The following SPATA13 variants were observed in gnomAD, a reference collection of about 807,000 sequenced individuals.
The protein encoded by SPATA13 is spermatogenesis-associated protein 13.
Under a neutral mutation model 104.0 loss-of-function variants are expected in SPATA13, and 50 were observed. The observed-to-expected ratio is 0.48, with a 90% CI of 0.38 to 0.61. The LOEUF is 0.61. Among genes scored for constraint, SPATA13 ranks in the 20% least tolerant of loss-of-function variants. The pLI is 0.00. For synonymous variants in SPATA13, 606 were observed against 667.5 expected (o/e 0.91, Z 1.42); for missense variants, 1,524 against 1,690.6 (o/e 0.90, Z 1.73).
chr13:24,227,848 G>T (rs1872032349), intron 2 of SPATA13, among the ~76,000 whole-genome samples: 1 of 152,098 alleles, frequency 6.6e-6, no homozygotes, highest in African/African-American at 2.4e-5. Flanking sequence ...AGGATTATAG[G>T]TGTGAGCCAC....
chr13:24,264,020 G>C (rs1241663007), intron 4 of SPATA13, among the ~76,000 whole-genome samples: 1 of 152,202 alleles, frequency 6.6e-6, no homozygotes, highest in African/African-American at 2.4e-5. Context: ...CTTGGAGATT[G>C]TATTAGCTCC....
At chr13:24,026,512 G>C (rs945183186) in intron 3 of SPATA13, among the ~76,000 whole-genome samples, 1 of 152,184 alleles carries the variant, frequency 6.6e-6, no homozygotes, top group Non-Finnish European at 1.5e-5. Context: ...TTTATGTTTG[G>C]TAGATACTGT....
At chr13:24,054,185 GA>G (rs1419823225) in intron 3 of SPATA13, among the ~76,000 whole-genome samples, 1 of 152,182 alleles carries the variant, frequency 6.6e-6, no homozygotes, top group Non-Finnish European at 1.5e-5. Flanking sequence ...TCCAAGGCCA[GA>G]AGCCCGGAGT....
At chr13:24,175,080 A>G (rs964228648) in intron 1 of SPATA13, among the ~76,000 whole-genome samples, 2 of 152,142 alleles carry the variant, frequency 1.3e-5, no homozygotes, top group African/African-American at 2.4e-5. Flanking sequence ...GTATTGGTCC[A>G]TCTTGATATA....
chr13:24,257,081 C>T (rs1873826244), intron 4 of SPATA13, among the ~76,000 whole-genome samples: 1 of 152,216 alleles, frequency 6.6e-6, no homozygotes, highest in Non-Finnish European at 1.5e-5. Flanking sequence ...TCCAACCATA[C>T]TTCTTCCTTT....
At chr13:24,197,806 C>T (rs1870151968) in intron 1 of SPATA13, among the ~76,000 whole-genome samples, 1 of 152,006 alleles carries the variant, frequency 6.6e-6, no homozygotes, top group Non-Finnish European at 1.5e-5. Flanking sequence ...TTAATACCAC[C>T]AGAAATTACT....
chr13:24,219,305 A>G (rs1324579411), intron 1 of SPATA13, among the ~76,000 whole-genome samples: 1 of 152,226 alleles, frequency 6.6e-6, no homozygotes, highest in African/African-American at 2.4e-5. Context: ...GCAGCACACA[A>G]CAATCACGTT....
chr13:24,159,816 T>C (rs980203296), upstream of SPATA13, among the ~76,000 whole-genome samples: 4 of 152,242 alleles, frequency 2.6e-5, no homozygotes, highest in African/African-American at 9.6e-5. Context: ...TAAAAGACAA[T>C]AGACATTTAT....
intron 3 of SPATA13, among the ~76,000 whole-genome samples, chr13:24,133,844 C>T (rs983558366): frequency 5.3e-5 from 8 of 152,192 alleles, no homozygotes; most frequent in African/African-American, 1.4e-4. Context: ...AAACAATCAT[C>T]GGCACTAGAG....
At chr13:24,232,704 A>AC (rs1406893517) in intron 2 of SPATA13, among the ~76,000 whole-genome samples, 2 of 152,082 alleles carry the variant, frequency 1.3e-5, no homozygotes, top group Non-Finnish European at 2.9e-5. Context: ...ACACAGCACC[A>AC]CACCTGGTTA....
At chr13:24,173,422 C>T (rs1017457224) in intron 1 of SPATA13, among the ~76,000 whole-genome samples, 3 of 149,124 alleles carry the variant, frequency 2.0e-5, no homozygotes. Flanking sequence ...TTGAGATTTT[C>T]TATGTGGGCA....
At chr13:24,271,021 ACTCTCTCT>A (rs35776484) in intron 4 of SPATA13, 6 of 607,380 alleles carry the variant, frequency 9.9e-6, no homozygotes, top group Admixed American at 2.5e-5. Flanking sequence ...ACTCTCTCTC[ACTCTCTCT>A]CTCTCTCTCT....
intron 3 of SPATA13, among the ~76,000 whole-genome samples, chr13:24,109,560 TA>T (rs1880569651): frequency 6.6e-6 from 1 of 152,150 alleles, no homozygotes; most frequent in Admixed American, 6.5e-5. Context: ...TTGGAGGTCT[TA>T]AAAGGGTGAC....
chr13:24,187,337 T>C (rs968711022), intron 1 of SPATA13, among the ~76,000 whole-genome samples: 1 of 152,140 alleles, frequency 6.6e-6, no homozygotes, highest in African/African-American at 2.4e-5. Context: ...CTTTTCTGAG[T>C]AGTCCTAGCT....
Position 24,146,904 on chromosome 13 carries a change from G to A in SPATA13, c.-111-75915G>A, listed in dbSNP as rs544280936. On this transcript the variant is annotated intron_variant, in intron 3 of 14. Transcript: ENST00000424834. ...AATTTTGAACATTTTACAAGCTCCA[G>A]TCTTTTAAAAAATCTCATTCAGGCA... Among the ~76,000 whole-genome samples, 105 of 124,524 alleles carry A rather than the reference G, an allele frequency of 8.4e-4. 1 individual carries two copies. Among genetic ancestry groups the A allele is most frequent in the African/African-American group, 3.1e-3 (102 of 32,594 alleles). The allele number at this position is 124,524 out of a possible 152,430, so 81.7% of individuals were successfully genotyped here. A position where few individuals can be genotyped will look rare whatever the true frequency, so the allele number is the denominator to read the frequency against.
chr13:24,019,492 G>C (rs1468971408), intron 3 of SPATA13, among the ~76,000 whole-genome samples: 1 of 152,162 alleles, frequency 6.6e-6, no homozygotes, highest in Non-Finnish European at 1.5e-5. Flanking sequence ...ATTATGTTTT[G>C]TTTGTGAACT....
At chr13:24,039,026 T>G (rs1593293385) in intron 3 of SPATA13, among the ~76,000 whole-genome samples, 1 of 152,322 alleles carries the variant, frequency 6.6e-6, no homozygotes, top group East Asian at 1.9e-4. Flanking sequence ...ACATACCTTC[T>G]ATCAGAGACG....
intron 1 of SPATA13, among the ~76,000 whole-genome samples, chr13:24,188,812 A>G (rs1024823739): frequency 3.9e-5 from 6 of 152,168 alleles, no homozygotes; most frequent in African/African-American, 1.2e-4. Context: ...CAGAGCTTCA[A>G]AGGACACAAT....
chr13:24,007,351 C>T (rs1876279031), intron 2 of SPATA13, among the ~76,000 whole-genome samples: 1 of 152,194 alleles, frequency 6.6e-6, no homozygotes, highest in Non-Finnish European at 1.5e-5. Flanking sequence ...GAGTGGGTGT[C>T]ATGTCTGTGG....
Sources: gnomAD v4.1 joint callset for allele counts (sites outside exome capture counted in the v4.1 genomes callset) on GRCh38, gnomAD v4.1.1 for gene constraint, MANE v1.5 for transcripts, NCBI Gene and HGNC (gene_info 2026-07-23, HGNC 2026-07-21) for gene names.